Variants in ZNF487 observed in about 807,000 individuals in gnomAD.
The protein encoded by ZNF487 is KRAB domain only 1.
Under a neutral mutation model 3.0 loss-of-function variants are expected in ZNF487, and 4 were observed. That is an observed-to-expected ratio of 1.35 (90% CI 0.66 to 3.08). The LOEUF (loss-of-function observed/expected upper bound fraction) is 3.08. ZNF487 is among the 30% of genes most tolerant of loss of function. The pLI is 0.01. For missense variants in ZNF487, 146 were observed against 98.7 expected, an observed-to-expected ratio of 1.48 and a Z score of -2.03; for synonymous variants, 55 against 34.6, an observed-to-expected ratio of 1.59 and a Z score of -2.06.
At chr10:43,489,574 G>A in the ZNF487 span, among the ~76,000 whole-genome samples, 1 of 151,996 alleles carries the variant, frequency 6.6e-6, no homozygotes, top group Non-Finnish European at 1.5e-5. Context: ...AGCTGATCTC[G>A]AACTCCTGAC....
intron 1 of ZNF487, among the ~76,000 whole-genome samples, chr10:43,449,571 T>TA (rs956249499): frequency 4.6e-5 from 7 of 151,826 alleles, no homozygotes; most frequent in African/African-American, 1.7e-4. Context: ...ATTCAGTATT[T>TA]AAAAAAAAAT....
At chr10:43,523,824 T>C in the ZNF487 span, 1 of 152,144 alleles carries the variant, frequency 6.6e-6, no homozygotes, top group African/African-American at 2.4e-5. Context: ...CGAGTTTAAT[T>C]GCTGTGGGAG....
chr10:43,520,552 AG>A, the ZNF487 span, among the ~76,000 whole-genome samples: 1 of 152,246 alleles, frequency 6.6e-6, no homozygotes, highest in Non-Finnish European at 1.5e-5. Flanking sequence ...CTAGGACCTT[AG>A]GGTGCATTTG....
chr10:43,500,363 C>G, the ZNF487 span, among the ~76,000 whole-genome samples: 3 of 151,968 alleles, frequency 2.0e-5, no homozygotes, highest in Non-Finnish European at 4.4e-5. Flanking sequence ...GAGATCAAGG[C>G]TGTAGTGAGC....
chr10:43,446,532 G>C (rs1397748131), intron 1 of ZNF487, among the ~76,000 whole-genome samples: 2 of 151,054 alleles, frequency 1.3e-5, no homozygotes, highest in East Asian at 3.9e-4. Context: ...TGGCGGCCGG[G>C]TAGAGATGCT....
chr10:43,463,968 A>T (rs1399845002), intron 1 of ZNF487, among the ~76,000 whole-genome samples: 2 of 151,678 alleles, frequency 1.3e-5, no homozygotes, highest in Admixed American at 1.3e-4. Flanking sequence ...ATTCCTTGAG[A>T]CACAACAATA....
the ZNF487 span, among the ~76,000 whole-genome samples, chr10:43,489,434 A>T: frequency 6.6e-6 from 1 of 152,012 alleles, no homozygotes; most frequent in Admixed American, 6.6e-5. Context: ...GCTCACTGCA[A>T]CCTCCACCTC....
chr10:43,513,014 C>T, the ZNF487 span, among the ~76,000 whole-genome samples: 1 of 152,194 alleles, frequency 6.6e-6, no homozygotes, highest in African/African-American at 2.4e-5. Flanking sequence ...ATTTCTCATC[C>T]TCTGGCACAC....
the ZNF487 span, among the ~76,000 whole-genome samples, chr10:43,502,942 G>T: frequency 1.3e-4 from 20 of 150,874 alleles, no homozygotes; most frequent in African/African-American, 4.6e-4. Flanking sequence ...GAGATGGGAG[G>T]ATCTCTTGAG....
At chr10:43,458,915 G>C (rs1252980195) in intron 1 of ZNF487, among the ~76,000 whole-genome samples, 1 of 152,038 alleles carries the variant, frequency 6.6e-6, no homozygotes, top group Non-Finnish European at 1.5e-5. Context: ...TGTATGTGTA[G>C]ATTGTACAAC....
chr10:43,508,575 G>A, the ZNF487 span, among the ~76,000 whole-genome samples: 1 of 151,430 alleles, frequency 6.6e-6, no homozygotes, highest in African/African-American at 2.4e-5. Context: ...TTGGGAGGCC[G>A]AGGCGGGTGG....
intron 1 of ZNF487, among the ~76,000 whole-genome samples, chr10:43,459,984 GT>G (rs1350587601): frequency 2.0e-5 from 3 of 151,302 alleles, no homozygotes; most frequent in African/African-American, 2.4e-5. Flanking sequence ...TGTATTTTTA[GT>G]TAGAGACAGG....
chr10:43,522,879 A>T, the ZNF487 span, among the ~76,000 whole-genome samples: 1 of 152,212 alleles, frequency 6.6e-6, no homozygotes, highest in Non-Finnish European at 1.5e-5. Flanking sequence ...GTCACCCCTC[A>T]AACACTATCA....
chr10:43,447,384 G>A (rs1201898986), intron 1 of ZNF487, among the ~76,000 whole-genome samples: 1 of 152,086 alleles, frequency 6.6e-6, no homozygotes, highest in Non-Finnish European at 1.5e-5. Context: ...TGGGATTACA[G>A]GCATGTGCCA....
Position 43,466,288 on chromosome 10 carries a change from C to T in ZNF487, c.-93-9433C>T, listed in dbSNP as rs561074967. Among the ~76,000 whole-genome samples, 37 of 152,156 alleles carry T rather than the reference C, an allele frequency of 2.4e-4. No homozygotes were observed. In the East Asian group the frequency reaches 7.1e-3, roughly 29 times the overall value. On this transcript the variant is annotated intron_variant, in intron 1 of 3. Coordinates refer to ENST00000437590, the MANE Select transcript of ZNF487 (RefSeq NM_001355444.3). Reference sequence around the variant, plus strand: ...CCAACTCCTGATCTCAGGTGATCTACCCGTCTCAGCCTCCCAAAGTACTAG... The same window carrying T: ...CCAACTCCTGATCTCAGGTGATCTATCCGTCTCAGCCTCCCAAAGTACTAG...
At chr10:43,503,192 G>C in the ZNF487 span, among the ~76,000 whole-genome samples, 2 of 152,140 alleles carry the variant, frequency 1.3e-5, no homozygotes, top group African/African-American at 4.8e-5. Context: ...AAGACAGTGA[G>C]AATGATGATC....
chr10:43,464,837 C>T (rs1435769385), intron 1 of ZNF487, among the ~76,000 whole-genome samples: 2 of 152,196 alleles, frequency 1.3e-5, no homozygotes, highest in African/African-American at 4.8e-5. Context: ...TTTTCTATTC[C>T]ACAAAACCGC....
chr10:43,494,619 G>T, the ZNF487 span, among the ~76,000 whole-genome samples: 1 of 151,836 alleles, frequency 6.6e-6, no homozygotes, highest in Admixed American at 6.6e-5. Flanking sequence ...GAAGTGGTGG[G>T]TTCGAGATAT....
At chr10:43,480,713 CCTCT>C (rs1175183649) in intron 3 of ZNF487, among the ~76,000 whole-genome samples, 5 of 150,456 alleles carry the variant, frequency 3.3e-5, no homozygotes, top group South Asian at 2.1e-4. Flanking sequence ...ACTGCGCCCA[CCTCT>C]CTCTCTCTCT....
Sources: allele counts gnomAD v4.1 joint callset (sites outside exome capture counted in the v4.1 genomes callset), GRCh38; gene constraint gnomAD v4.1.1; transcripts MANE v1.5; gene names NCBI Gene and HGNC (gene_info 2026-07-23, HGNC 2026-07-21).